ARID1B: variants seen among roughly 807,000 people sequenced by gnomAD.
The protein encoded by ARID1B is AT-rich interactive domain-containing protein 1B.
Under a neutral mutation model 212.3 loss-of-function variants are expected in ARID1B, and 30 were observed. The ratio of observed to expected loss-of-function variants is 0.14; its 90% CI spans 0.11 to 0.19. The LOEUF (loss-of-function observed/expected upper bound fraction) is 0.19. Among genes scored for constraint, ARID1B ranks in the 10% least tolerant of loss-of-function variants. The pLI, the probability that ARID1B is intolerant of heterozygous loss-of-function variation, is 1.00. For synonymous variants in ARID1B, 1,402 were observed against 1,301.7 expected (o/e 1.08, Z -1.66); for missense variants, 2,891 against 3,204.0 (o/e 0.90, Z 2.36).
chr6:156,814,390 G>GA (rs1311855199), intron 1 of ARID1B, among the ~76,000 whole-genome samples: 1 of 152,196 alleles, frequency 6.6e-6, no homozygotes, highest in Non-Finnish European at 1.5e-5. Flanking sequence ...GACAGAGTGA[G>GA]AGGCCCTGTC....
chr6:157,049,975 T>C (rs1782485826), intron 4 of ARID1B, among the ~76,000 whole-genome samples: 1 of 152,192 alleles, frequency 6.6e-6, no homozygotes, highest in Non-Finnish European at 1.5e-5. Context: ...CATTGAATGC[T>C]GCTACAGTCC....
At chr6:157,159,098 A>T (rs542469493) in intron 8 of ARID1B, among the ~76,000 whole-genome samples, 2 of 152,324 alleles carry the variant, frequency 1.3e-5, no homozygotes, top group African/African-American at 4.8e-5. Flanking sequence ...CTGTGGCTCT[A>T]ATCCACACTG....
chr6:157,003,318 G>T (rs1459141110), intron 4 of ARID1B, among the ~76,000 whole-genome samples: 1 of 152,180 alleles, frequency 6.6e-6, no homozygotes, highest in Non-Finnish European at 1.5e-5. Flanking sequence ...TGGAGGTTGG[G>T]TACTGCAGAG....
At chr6:156,907,226 T>C (rs944670198) in intron 3 of ARID1B, among the ~76,000 whole-genome samples, 9 of 152,344 alleles carry the variant, frequency 5.9e-5, no homozygotes, top group Non-Finnish European at 1.0e-4. Context: ...CTTTCTTTTC[T>C]CTTTTCCCTT....
chr6:156,988,922 G>A (rs974894013), intron 4 of ARID1B, among the ~76,000 whole-genome samples: 2 of 152,178 alleles, frequency 1.3e-5, no homozygotes, highest in African/African-American at 4.8e-5. Flanking sequence ...TCAGAGAAAT[G>A]TGCCATAAAA....
intron 2 of ARID1B, among the ~76,000 whole-genome samples, chr6:156,843,936 A>C (rs1272347415): frequency 3.3e-5 from 5 of 152,154 alleles, no homozygotes; most frequent in Non-Finnish European, 7.3e-5. Flanking sequence ...CTGAAGCTGC[A>C]TGGGGTGGGG....
intron 2 of ARID1B, among the ~76,000 whole-genome samples, chr6:156,848,774 G>T (rs287896): frequency 6.6e-6 from 1 of 152,020 alleles, no homozygotes; most frequent in Non-Finnish European, 1.5e-5. Flanking sequence ...GGGAGGTGCC[G>T]GGGGGCCTTC....
chr6:157,149,918 T>C (rs1252107607), intron 8 of ARID1B: 2 of 152,216 alleles, frequency 1.3e-5, no homozygotes, highest in African/African-American at 4.8e-5. Flanking sequence ...CTTATTGTTT[T>C]TTCCAAATAA....
chr6:157,199,588 ATATAAT>A, intron 17 of ARID1B, among the ~76,000 whole-genome samples: 1 of 149,134 alleles, frequency 6.7e-6, no homozygotes, highest in Admixed American at 6.7e-5. Context: ...TATATATGTT[ATATAAT>A]TATAATAATT....
rs888354916 is a variant in ARID1B at position 157,131,225 on chromosome 6, C to T, written c.2582-1803C>T. 3.3e-5 allele frequency among the ~76,000 whole-genome samples: 5 copies of T among 152,240 alleles called. No individual in the cohort carries two copies. The East Asian group carries it at 5.8e-4, about 18-fold the overall frequency. The stretch of plus-strand genomic sequence containing the variant: ...GTTTTGTTAACCACCACGTCCCACA[C>T]GCTCTGCTAGGCACCAAGGATAGTG... On this transcript the variant is annotated intron_variant, in intron 6 of 19. Coordinates refer to ENST00000636930, the MANE Select transcript of ARID1B (RefSeq NM_001374828.1).
chr6:157,124,044 T>C (rs1694365760), intron 6 of ARID1B, among the ~76,000 whole-genome samples: 1 of 152,256 alleles, frequency 6.6e-6, no homozygotes, highest in South Asian at 2.1e-4. Flanking sequence ...TAATTGTGCT[T>C]TCTGGCCTAG....
intron 4 of ARID1B, chr6:156,942,969 G>C (rs1391308178): frequency 6.6e-6 from 1 of 152,214 alleles, no homozygotes; most frequent in Non-Finnish European, 1.5e-5. Flanking sequence ...AGTAGCATTT[G>C]TAGACTGGTT....
intron 8 of ARID1B, among the ~76,000 whole-genome samples, chr6:157,152,654 T>C (rs368684011): frequency 6.6e-6 from 1 of 152,336 alleles, no homozygotes; most frequent in African/African-American, 2.4e-5. Context: ...AAAACATGTG[T>C]ATGACATGTT....
intron 4 of ARID1B, among the ~76,000 whole-genome samples, chr6:157,043,346 C>T (rs547378732): frequency 1.5e-4 from 23 of 152,278 alleles, no homozygotes; most frequent in African/African-American, 4.6e-4. Context: ...TGATTTGTCT[C>T]GGCATGGGCG....
intron 2 of ARID1B, among the ~76,000 whole-genome samples, chr6:156,851,913 C>T (rs981325816): frequency 2.0e-5 from 3 of 152,168 alleles, no homozygotes; most frequent in African/African-American, 4.8e-5. Context: ...ATCAGCCTCT[C>T]ATTCTTTAAA....
Position 156,778,874 on chromosome 6 carries a change from A to AGGAGGAGGAGGCAGC in ARID1B, c.1206_1220dup (p.Ser403_Gly407dup). The AGGAGGAGGAGGCAGC allele has an allele frequency of 2.5e-5, 33 of 1,340,290 alleles. No individual in the cohort carries two copies. Among genetic ancestry groups the AGGAGGAGGAGGCAGC allele is most frequent in the Non-Finnish European group, 3.2e-5 (33 of 1,033,428 alleles). 83.0% of individuals were successfully genotyped at this position (1,340,290 alleles called of 1,614,324 possible). ...GCGGCGGCGGCGGCGGCGGCGGCGG[A>AGGAGGAGGAGGCAGC]GGAGGAGGAGGCAGCGGAGGAGGAG... On this transcript the variant is annotated inframe_insertion, in exon 1 of 20. Coordinates refer to ENST00000636930, the MANE Select transcript of ARID1B (RefSeq NM_001374828.1).
chr6:157,186,125 A>C (rs1792956807), intron 13 of ARID1B: 1 of 192,784 alleles, frequency 5.2e-6, no homozygotes, highest in Non-Finnish European at 1.1e-5. Flanking sequence ...CGTGTCACTG[A>C]ATGGGCTGCA....
At chr6:157,188,501 T>C (rs1793135924) in intron 13 of ARID1B, among the ~76,000 whole-genome samples, 2 of 152,314 alleles carry the variant, frequency 1.3e-5, no homozygotes, top group South Asian at 2.1e-4. Flanking sequence ...CCATTGCCAC[T>C]AGAGTAAAAT....
intron 4 of ARID1B, among the ~76,000 whole-genome samples, chr6:157,014,798 T>G (rs1327200980): frequency 1.3e-5 from 2 of 152,178 alleles, no homozygotes; most frequent in Non-Finnish European, 2.9e-5. Context: ...TAAATTTCCT[T>G]TGTAAACTAA....
Sources: allele counts gnomAD v4.1 joint callset (sites outside exome capture counted in the v4.1 genomes callset), GRCh38; gene constraint gnomAD v4.1.1; transcripts MANE v1.5; gene names NCBI Gene and HGNC (gene_info 2026-07-23, HGNC 2026-07-21).